PAPPA2: variants seen among roughly 807,000 people sequenced by gnomAD.
PAPPA2 encodes pappalysin 2.
In PAPPA2, 86 loss-of-function variants were observed where a neutral mutation model predicts 176.4. That is an observed-to-expected ratio of 0.49 (90% CI 0.41 to 0.58). The LOEUF (loss-of-function observed/expected upper bound fraction) is 0.58. PAPPA2 is among the 20% of genes least tolerant of loss of function. The pLI is 0.00. For missense variants in PAPPA2, 2,073 were observed against 2,256.9 expected, an observed-to-expected ratio of 0.92 and a Z score of 1.65; for synonymous variants, 809 against 852.2, an observed-to-expected ratio of 0.95 and a Z score of 0.88.
At position 176,840,162 on chromosome 1, in the gene PAPPA2, C is replaced by T; in HGVS notation, c.5203-11C>T. ...GCTATACTGAGATGTTGCCTTCTAA[C>T]CTCCCTACAGCCCTTCCAAGCAGAT... On this transcript the variant is annotated splice_polypyrimidine_tract_variant and intron_variant, in intron 21 of 22. Coordinates refer to ENST00000367662, the MANE Select transcript of PAPPA2 (RefSeq NM_020318.3). The T allele has an allele frequency of 1.9e-6, 3 of 1,607,058 alleles. No homozygotes were observed. The highest frequency in any genetic ancestry group is 2.6e-6 in the Non-Finnish European group (3 of 1,174,008).
At chr1:176,604,721 C>T (rs924400168) in intron 3 of PAPPA2, among the ~76,000 whole-genome samples, 1 of 152,198 alleles carries the variant, frequency 6.6e-6, no homozygotes, top group African/African-American at 2.4e-5. Context: ...TCTTGTCTGT[C>T]TCTTGCACAA....
Position 176,788,540 on chromosome 1 carries a change from C to T in PAPPA2, c.4716-1269C>T, listed in dbSNP as rs369368367. Among the ~76,000 whole-genome samples the T allele has an allele frequency of 1.3e-4, 20 of 152,286 alleles. No individual in the cohort carries two copies. The East Asian group carries it at 2.7e-3, about 21-fold the overall frequency. On this transcript the variant is annotated intron_variant, in intron 17 of 22. Transcript: ENST00000367662. ...TTAGAATTACAAGCTTATCTGTAAC[C>T]AGGAGTGTTTTTCATTAGAAGTGGA... is the stretch of plus-strand genomic sequence containing the variant.
chr1:176,821,519 G>A (rs1666666310), intron 21 of PAPPA2, among the ~76,000 whole-genome samples: 2 of 152,190 alleles, frequency 1.3e-5, no homozygotes, highest in African/African-American at 4.8e-5. Context: ...GCATCTACAA[G>A]TTGGCTAAAG....
intron 7 of PAPPA2, among the ~76,000 whole-genome samples, chr1:176,696,321 G>A (rs1660380517): frequency 1.7e-5 from 2 of 119,348 alleles, no homozygotes; most frequent in Non-Finnish European, 3.3e-5. Flanking sequence ...GGGGTGGGGG[G>A]ACCGCAGAGA....
intron 12 of PAPPA2, among the ~76,000 whole-genome samples, chr1:176,722,790 A>G (rs1334924214): frequency 6.6e-6 from 1 of 152,118 alleles, no homozygotes; most frequent in Non-Finnish European, 1.5e-5. Flanking sequence ...TTCATGTTTT[A>G]TGATTGTTCT....
At chr1:176,633,140 C>G (rs1327091909) in intron 3 of PAPPA2, among the ~76,000 whole-genome samples, 1 of 152,160 alleles carries the variant, frequency 6.6e-6, no homozygotes, top group Non-Finnish European at 1.5e-5. Context: ...CTGGAAGGCA[C>G]TTGCTAGCAT....
chr1:176,654,016 C>T (rs538715728), intron 3 of PAPPA2, among the ~76,000 whole-genome samples: 23 of 151,604 alleles, frequency 1.5e-4, no homozygotes, highest in African/African-American at 5.1e-4. Context: ...TTCACTCTGC[C>T]GATTATTTCT....
chr1:176,529,384 C>A (rs1649672170), intron 1 of PAPPA2, among the ~76,000 whole-genome samples: 1 of 151,832 alleles, frequency 6.6e-6, no homozygotes, highest in South Asian at 2.1e-4. Context: ...CTCTGAAGCT[C>A]TCCTTCCAGC....
At chr1:176,530,095 A>G (rs915735606) in intron 1 of PAPPA2, among the ~76,000 whole-genome samples, 1 of 152,158 alleles carries the variant, frequency 6.6e-6, no homozygotes, top group Non-Finnish European at 1.5e-5. Context: ...TAAAGCTCAC[A>G]ATTCAACAGG....
chr1:176,796,402 CTG>C (rs758808155), intron 20 of PAPPA2, among the ~76,000 whole-genome samples: 3 of 152,196 alleles, frequency 2.0e-5, no homozygotes, highest in Non-Finnish European at 4.4e-5. Context: ...TGGCAGAACT[CTG>C]TGCCCTGATG....
chr1:176,690,599 A>T, intron 5 of PAPPA2, 169 bp downstream of exon 5: 2 of 1,408,680 alleles, frequency 1.4e-6, no homozygotes, highest in Non-Finnish European at 1.9e-6. Context: ...GTCTTTGAAG[A>T]ACTTGAAGAA....
intron 3 of PAPPA2, among the ~76,000 whole-genome samples, chr1:176,649,407 GT>G (rs1657587650): frequency 6.7e-6 from 1 of 149,588 alleles, no homozygotes; most frequent in Non-Finnish European, 1.5e-5. Context: ...TTTCTTTTAG[GT>G]TTAATTTTAT....
At chr1:176,588,672 T>C (rs1420079933) in intron 2 of PAPPA2, among the ~76,000 whole-genome samples, 1 of 152,238 alleles carries the variant, frequency 6.6e-6, no homozygotes, top group East Asian at 1.9e-4. Context: ...GGATGTGTGC[T>C]TGCTGGGCTA....
intron 2 of PAPPA2, 23 bp from the exon 3 acceptor site, chr1:176,594,501 C>G: frequency 6.3e-7 from 1 of 1,590,332 alleles, no homozygotes; most frequent in Non-Finnish European, 8.6e-7. Context: ...TGTCTCTTCC[C>G]TCGATTCTTC....
At chr1:176,587,757 C>A (rs940690643) in intron 2 of PAPPA2, among the ~76,000 whole-genome samples, 23 of 152,144 alleles carry the variant, frequency 1.5e-4, no homozygotes, top group Non-Finnish European at 3.4e-4. Context: ...TTAGGATTGT[C>A]TTGGCTATAC....
intron 2 of PAPPA2, among the ~76,000 whole-genome samples, chr1:176,580,132 T>A (rs1652876761): frequency 6.6e-6 from 1 of 152,170 alleles, no homozygotes; most frequent in Non-Finnish European, 1.5e-5. Context: ...TAATTCTGTA[T>A]CCTTTAGCAA....
Position 176,706,460 on chromosome 1 carries a change from A to G in PAPPA2, c.3457+10A>G. The G allele has an allele frequency of 6.2e-7, 1 of 1,610,744 alleles. No homozygotes were observed. The highest frequency in any genetic ancestry group is 1.1e-5 in the South Asian group (1 of 90,978). On this transcript the variant is annotated intron_variant, in intron 10 of 22. Transcript: ENST00000367662. ...GGTTTCAACTGTGTAGGTAAGTTCA[A>G]GAGTTTCAGTCTAAGATTGTGTCCT...
intron 12 of PAPPA2, among the ~76,000 whole-genome samples, chr1:176,739,092 A>C (rs979555031): frequency 3.9e-5 from 6 of 152,166 alleles, no homozygotes; most frequent in African/African-American, 1.4e-4. Flanking sequence ...CTGCCACAGC[A>C]TATCTCCCAT....
At chr1:176,477,500 A>C (rs1173632963) in intron 1 of PAPPA2, among the ~76,000 whole-genome samples, 1 of 152,192 alleles carries the variant, frequency 6.6e-6, no homozygotes, top group African/African-American at 2.4e-5. Flanking sequence ...TAATCCCAGC[A>C]CTTTGGGAGG....
Sources: gnomAD v4.1 joint callset for allele counts (sites outside exome capture counted in the v4.1 genomes callset) on GRCh38, gnomAD v4.1.1 for gene constraint, MANE v1.5 for transcripts, NCBI Gene and HGNC (gene_info 2026-07-23, HGNC 2026-07-21) for gene names.